PPP2R2C: variants seen among roughly 807,000 people sequenced by gnomAD.
PPP2R2C encodes protein phosphatase 2 regulatory subunit Bgamma.
PPP2R2C carries 10 observed loss-of-function variants against 45.3 expected under a neutral mutation model. The observed-to-expected ratio is 0.22, with a 90% CI of 0.14 to 0.37. The LOEUF is 0.37. Ranked by LOEUF, PPP2R2C falls within the 10% of genes least tolerant of loss-of-function variation. The pLI, the probability that PPP2R2C is intolerant of heterozygous loss-of-function variation, is 1.00. For missense variants in PPP2R2C, 308 were observed against 619.7 expected (o/e 0.50, Z 5.34); for synonymous variants, 257 against 245.4 (o/e 1.05, Z -0.44).
intron 1 of PPP2R2C, among the ~76,000 whole-genome samples, chr4:6,395,146 T>C (rs988217108): frequency 2.6e-5 from 4 of 152,146 alleles, no homozygotes; most frequent in African/African-American, 7.2e-5. Context: ...CCTCATCCGA[T>C]GGCCCTCCCT....
At chr4:6,342,081 T>C (rs1057016550) in intron 6 of PPP2R2C, among the ~76,000 whole-genome samples, 6 of 139,712 alleles carry the variant, frequency 4.3e-5, no homozygotes, top group Non-Finnish European at 9.3e-5. Context: ...TCTGCCACGA[T>C]ACACACACAC....
At position 6,332,391 on chromosome 4, in the gene PPP2R2C, C is replaced by A. The variant is rs377335630; in HGVS notation, c.960+1171G>T. On this transcript the variant is annotated intron_variant, in intron 7 of 8. Coordinates refer to ENST00000382599, the MANE Select transcript of PPP2R2C (RefSeq NM_020416.4). The surrounding 1 kb of genome is among the most constrained non-coding windows in gnomAD (Gnocchi z 4.9). ...GGCCTGAGGGAGGAGCTGGGGCAGT[C>A]GCAAGAACTCAAGTAAACACACGTG... 6.6e-6 allele frequency among the ~76,000 whole-genome samples: 1 copy of A among 152,096 alleles called. No individual in the cohort carries two copies. Among genetic ancestry groups the A allele is most frequent in the Non-Finnish European group, 1.5e-5 (1 of 68,026 alleles).
At position 6,329,591 on chromosome 4, in the gene PPP2R2C, GCC is replaced by G. The variant is rs1222671330; in HGVS notation, c.961-240_961-239del. Among the ~76,000 whole-genome samples, 5 of 132,310 alleles carry G rather than the reference GCC, an allele frequency of 3.8e-5. No homozygotes were observed. The highest frequency in any genetic ancestry group is 2.2e-4 in the African/African-American group (5 of 23,048). 86.8% of individuals were successfully genotyped at this position (132,310 alleles called of 152,430 possible). On this transcript the variant is annotated intron_variant, in intron 7 of 8. Transcript: ENST00000382599. This position sits in a 1 kb window ranked among gnomAD's most constrained non-coding sequence, Gnocchi z 5.8. ...CCCGACCGTGACACAGCCCAATACA[GCC>G]CTGCTCATCTTATCGGGGGGCCCAC...
intron 1 of PPP2R2C, among the ~76,000 whole-genome samples, chr4:6,433,370 A>T (rs539642461): frequency 4.6e-5 from 7 of 152,312 alleles, no homozygotes; most frequent in Admixed American, 2.6e-4. Flanking sequence ...CAGTGGTGGC[A>T]TGAGTTTCCA....
At chr4:6,424,622 C>T (rs1373127928) in intron 1 of PPP2R2C, among the ~76,000 whole-genome samples, 1 of 152,210 alleles carries the variant, frequency 6.6e-6, no homozygotes, top group Non-Finnish European at 1.5e-5. Flanking sequence ...GCCAATGCCT[C>T]CTCCAGAGGC....
At chr4:6,526,787 G>C (rs868230479) in intron 2 of PPP2R2C, among the ~76,000 whole-genome samples, 2 of 152,160 alleles carry the variant, frequency 1.3e-5, no homozygotes, top group African/African-American at 2.4e-5. Flanking sequence ...TTGCATAAAT[G>C]AATATGCATC....
At position 6,504,347 on chromosome 4, in the gene PPP2R2C, A is replaced by AAT. The variant is rs535662148; in HGVS notation, c.49+30922_49+30923dup. Among the ~76,000 whole-genome samples the AAT allele has an allele frequency of 9.3e-4, 141 of 152,348 alleles. 3 individuals carry two copies. The highest frequency in any genetic ancestry group is 2.1e-3 in the South Asian group (10 of 4,830). ...ACTTAACTGCCTATAACAAAAAAAC[A>AAT]ATACTCTTGGGAGTAACATAATAGA... On this transcript the variant is annotated intron_variant, in intron 2 of 9. Coordinates refer to the PPP2R2C transcript ENST00000506140.
At chr4:6,498,459 C>T (rs1314745645) in intron 2 of PPP2R2C, among the ~76,000 whole-genome samples, 1 of 152,166 alleles carries the variant, frequency 6.6e-6, no homozygotes, top group Non-Finnish European at 1.5e-5. Flanking sequence ...AATGATGATA[C>T]AGTCTGTTGT....
At chr4:6,401,503 T>G (rs1326261622) in intron 1 of PPP2R2C, among the ~76,000 whole-genome samples, 1 of 151,434 alleles carries the variant, frequency 6.6e-6, no homozygotes, top group Non-Finnish European at 1.5e-5. Context: ...ATGCAGCTAT[T>G]CAGCCTTCCA....
intron 2 of PPP2R2C, among the ~76,000 whole-genome samples, chr4:6,488,540 C>G (rs1421448200): frequency 6.6e-6 from 1 of 152,006 alleles, no homozygotes; most frequent in African/African-American, 2.4e-5. Flanking sequence ...AAAAATTGGC[C>G]AGGCATGGTG....
At chr4:6,342,196 C>T (rs1383115811) in intron 6 of PPP2R2C, among the ~76,000 whole-genome samples, 1 of 149,664 alleles carries the variant, frequency 6.7e-6, no homozygotes, top group Non-Finnish European at 1.5e-5. Flanking sequence ...TGCATAAAAT[C>T]CACGTAGACA....
chr4:6,468,375 G>A (rs950211557), intron 1 of PPP2R2C, among the ~76,000 whole-genome samples: 2 of 152,188 alleles, frequency 1.3e-5, no homozygotes, highest in African/African-American at 4.8e-5. Context: ...AACTCTGTGG[G>A]AATAAACAGA....
chr4:6,418,946 T>A (rs889179402), intron 1 of PPP2R2C, among the ~76,000 whole-genome samples: 1 of 151,644 alleles, frequency 6.6e-6, no homozygotes, highest in Non-Finnish European at 1.5e-5. Context: ...ACCAGCCCAG[T>A]GCTTCCCCTG....
At chr4:6,371,852 T>C (rs999277671) in intron 5 of PPP2R2C, among the ~76,000 whole-genome samples, 1 of 152,182 alleles carries the variant, frequency 6.6e-6, no homozygotes, top group Non-Finnish European at 1.5e-5. Context: ...ATTGGTTGTA[T>C]GCAGAATAGT....
intron 2 of PPP2R2C, among the ~76,000 whole-genome samples, chr4:6,507,775 T>C (rs1218327027): frequency 6.6e-6 from 1 of 152,240 alleles, no homozygotes; most frequent in Non-Finnish European, 1.5e-5. Flanking sequence ...TAAGATTCAA[T>C]TGCCCACTCC....
At chr4:6,371,399 T>G (rs1350980479) in intron 5 of PPP2R2C, among the ~76,000 whole-genome samples, 1 of 152,200 alleles carries the variant, frequency 6.6e-6, no homozygotes, top group African/African-American at 2.4e-5. Flanking sequence ...CTGCCTCCCC[T>G]GCTCCCCACA....
At chr4:6,421,355 AT>A (rs1164228400) in intron 1 of PPP2R2C, among the ~76,000 whole-genome samples, 2 of 152,252 alleles carry the variant, frequency 1.3e-5, no homozygotes, top group Middle Eastern at 6.8e-3. Flanking sequence ...CCAGGCTGCC[AT>A]TTTAAAAAGC....
chr4:6,539,509 C>T (rs1724738414), intron 1 of PPP2R2C, among the ~76,000 whole-genome samples: 1 of 152,214 alleles, frequency 6.6e-6, no homozygotes, highest in Non-Finnish European at 1.5e-5. Context: ...AACTTCCAGA[C>T]TATTTCAATG....
chr4:6,355,843 A>AT (rs1257093760), intron 5 of PPP2R2C, among the ~76,000 whole-genome samples: 1 of 150,848 alleles, frequency 6.6e-6, no homozygotes, highest in Non-Finnish European at 1.5e-5. Context: ...ATACAAAAAA[A>AT]ATTAGCTGGG....
Sources: gnomAD v4.1 joint callset for allele counts (sites outside exome capture counted in the v4.1 genomes callset) on GRCh38, gnomAD v4.1.1 for gene constraint, Gnocchi (gnomAD v3.1) non-coding constraint, MANE v1.5 for transcripts, NCBI Gene and HGNC (gene_info 2026-07-23, HGNC 2026-07-21) for gene names.